Variants in GPC6 observed in about 807,000 individuals in gnomAD.
GPC6 encodes glypican-6.
GPC6 carries 14 observed loss-of-function variants against 55.2 expected under a neutral mutation model. The ratio of observed to expected loss-of-function variants is 0.25; its 90% CI spans 0.17 to 0.40. The LOEUF is 0.40. Ranked by LOEUF, GPC6 falls within the 10% of genes least tolerant of loss-of-function variation. The pLI is 1.00. For synonymous variants in GPC6, 278 were observed against 259.6 expected, an observed-to-expected ratio of 1.07 and a Z score of -0.68; for missense variants, 641 against 708.5, an observed-to-expected ratio of 0.90 and a Z score of 1.08.
chr13:93,966,123 A>T (rs7989529), intron 3 of GPC6, among the ~76,000 whole-genome samples: 2,106 of 152,196 alleles, frequency 0.014, 59 homozygotes, highest in African/African-American at 0.049. Flanking sequence ...AAGCTGAGGG[A>T]TCTCCTCCTG....
intron 7 of GPC6, among the ~76,000 whole-genome samples, chr13:94,390,265 G>A (rs1031033420): frequency 2.0e-5 from 3 of 152,272 alleles, no homozygotes; most frequent in Admixed American, 2.0e-4. Context: ...CCTAATTGTG[G>A]GGTGTGGCCC....
intron 1 of GPC6, among the ~76,000 whole-genome samples, chr13:93,396,902 T>G (rs1875880506): frequency 6.6e-6 from 1 of 152,126 alleles, no homozygotes; most frequent in Non-Finnish European, 1.5e-5. Flanking sequence ...TTTCACAACC[T>G]TCCCTTATTA....
chr13:93,229,987 ATCTC>A (rs1216231001), intron 1 of GPC6, among the ~76,000 whole-genome samples: 1 of 152,108 alleles, frequency 6.6e-6, no homozygotes. Flanking sequence ...AACACACTCT[ATCTC>A]TCCTCCCTAG....
chr13:94,284,060 G>C (rs1268270732), intron 4 of GPC6, among the ~76,000 whole-genome samples: 1 of 152,170 alleles, frequency 6.6e-6, no homozygotes, highest in African/African-American at 2.4e-5. Flanking sequence ...CCCAAGGTGG[G>C]AAGGAAGTTC....
At chr13:93,699,931 G>A (rs951490800) in intron 2 of GPC6, among the ~76,000 whole-genome samples, 2 of 151,692 alleles carry the variant, frequency 1.3e-5, no homozygotes, top group South Asian at 4.2e-4. Context: ...CCTATGATCA[G>A]TATCAGGTAA....
chr13:93,477,692 C>T (rs777154954), intron 1 of GPC6, among the ~76,000 whole-genome samples: 1 of 152,132 alleles, frequency 6.6e-6, no homozygotes, highest in Non-Finnish European at 1.5e-5. Context: ...AGTTGGTACT[C>T]TTTTAAGGAT....
chr13:93,402,141 G>C (rs1876113396), intron 1 of GPC6, among the ~76,000 whole-genome samples: 1 of 152,114 alleles, frequency 6.6e-6, no homozygotes, highest in African/African-American at 2.4e-5. Flanking sequence ...TTTACTTCTA[G>C]GGGATTTTTT....
rs533033908 is a variant in GPC6, at chr13:94,362,214, A to G, written c.1153-20200A>G. Among the ~76,000 whole-genome samples the G allele has an allele frequency of 7.2e-5, 11 of 152,346 alleles. No homozygotes were observed. The South Asian group carries it at 2.3e-3, about 32-fold the overall frequency. On this transcript the variant is annotated intron_variant, in intron 6 of 8. Coordinates refer to ENST00000377047, the MANE Select transcript of GPC6 (RefSeq NM_005708.5). ...AGTTTAACTTAGAGTAAAAGGACCTATCGGGGGAAATTTGAAGCAATTGTA... is the reference window on the plus strand; with the variant it reads ...AGTTTAACTTAGAGTAAAAGGACCTGTCGGGGGAAATTTGAAGCAATTGTA...
intron 2 of GPC6, among the ~76,000 whole-genome samples, chr13:93,825,539 T>C (rs922241972): frequency 6.6e-6 from 1 of 152,202 alleles, no homozygotes; most frequent in African/African-American, 2.4e-5. Context: ...TTTGGGACCA[T>C]GTTTTCCCTC....
chr13:94,400,147 A>G (rs1203279304), intron 8 of GPC6, among the ~76,000 whole-genome samples: 3 of 152,224 alleles, frequency 2.0e-5, no homozygotes, highest in African/African-American at 4.8e-5. Context: ...AGGATCCCTG[A>G]GTTCTAACCC....
chr13:94,047,914 A>T (rs1391203767), intron 4 of GPC6, among the ~76,000 whole-genome samples: 2 of 152,108 alleles, frequency 1.3e-5, no homozygotes, highest in Admixed American at 6.6e-5. Context: ...ATAATCCTCA[A>T]ATCTAGTTAA....
chr13:94,362,700 C>T (rs1424196613), intron 6 of GPC6, among the ~76,000 whole-genome samples: 2 of 152,044 alleles, frequency 1.3e-5, no homozygotes, highest in African/African-American at 2.4e-5. Context: ...TTTTTGATAG[C>T]CTTTTGCCTT....
intron 3 of GPC6, among the ~76,000 whole-genome samples, chr13:93,954,180 C>T: frequency 6.6e-6 from 1 of 152,118 alleles, no homozygotes; most frequent in East Asian, 1.9e-4. Flanking sequence ...TATCTGGCTT[C>T]TTTCAACACA....
intron 1 of GPC6, among the ~76,000 whole-genome samples, chr13:93,450,056 G>T (rs949209005): frequency 6.6e-6 from 1 of 152,034 alleles, no homozygotes; most frequent in Non-Finnish European, 1.5e-5. Flanking sequence ...TGCTGTGTGC[G>T]ATTACAGGCG....
In GPC6 at chr13:94,272,954, G is replaced by T. The variant is rs534751029; in HGVS notation, c.878-13395G>T. Among the ~76,000 whole-genome samples the T allele has an allele frequency of 3.9e-5, 6 of 152,212 alleles. No homozygotes were observed. The South Asian group carries it at 1.2e-3, about 32-fold the overall frequency. ...GTGACCTTCTTCACACATGAAGAGG[G>T]TGAACTGGACACAGCCCCCTCTCAG... is the stretch of plus-strand genomic sequence containing the variant. On this transcript the variant is annotated intron_variant, in intron 4 of 8. Coordinates refer to ENST00000377047, the MANE Select transcript of GPC6 (RefSeq NM_005708.5).
chr13:93,646,177 A>G (rs564424136), intron 2 of GPC6, among the ~76,000 whole-genome samples: 46 of 152,306 alleles, frequency 3.0e-4, no homozygotes, highest in African/African-American at 1.1e-3. Context: ...GTCATATCAA[A>G]TAATATGACC....
chr13:93,535,892 C>T (rs904914020), intron 1 of GPC6, among the ~76,000 whole-genome samples: 4 of 152,086 alleles, frequency 2.6e-5, no homozygotes, highest in Non-Finnish European at 5.9e-5. Flanking sequence ...GCCACACATT[C>T]AGACATTTAC....
chr13:93,539,691 G>A (rs559695878), intron 1 of GPC6, among the ~76,000 whole-genome samples: 1 of 59,942 alleles, frequency 1.7e-5, no homozygotes, highest in Admixed American at 2.5e-4. Context: ...GAAGTGCTTG[G>A]TACTTTTTTT....
chr13:93,437,500 GA>G (rs1277681457), intron 1 of GPC6, among the ~76,000 whole-genome samples: 1 of 152,188 alleles, frequency 6.6e-6, no homozygotes, highest in African/African-American at 2.4e-5. Flanking sequence ...CCTTATTGCT[GA>G]TATGTAGAAG....
Sources: allele counts gnomAD v4.1 joint callset (sites outside exome capture counted in the v4.1 genomes callset), GRCh38; gene constraint gnomAD v4.1.1; transcripts MANE v1.5; gene names NCBI Gene and HGNC (gene_info 2026-07-23, HGNC 2026-07-21).